Variants in FAM200B observed in about 807,000 individuals in gnomAD.
FAM200B encodes the protein zinc finger BED-type containing 11.
In FAM200B, 32 loss-of-function variants were observed where a neutral mutation model predicts 33.1. The ratio of observed to expected loss-of-function variants is 0.97; its 90% CI spans 0.73 to 1.30. The LOEUF (loss-of-function observed/expected upper bound fraction) is 1.30, where lower values mean the gene tolerates loss of function less well. Ranked by LOEUF, FAM200B falls within the 50% of genes most tolerant of loss-of-function variation. FAM200B has a pLI of 0.00. For synonymous variants in FAM200B, 240 were observed against 264.8 expected, an observed-to-expected ratio of 0.91 and a Z score of 0.91; for missense variants, 741 against 754.0, an observed-to-expected ratio of 0.98 and a Z score of 0.20.
chr4:15,657,940 C>T, the FAM200B span, among the ~76,000 whole-genome samples: 1 of 152,212 alleles, frequency 6.6e-6, no homozygotes, highest in Non-Finnish European at 1.5e-5. Flanking sequence ...TTGACCACCA[C>T]AAGAAGTCTG....
At chr4:15,657,328 T>C in the FAM200B span, among the ~76,000 whole-genome samples, 3 of 152,234 alleles carry the variant, frequency 2.0e-5, no homozygotes, top group African/African-American at 7.2e-5. Context: ...AAGTGAGTAT[T>C]CAGTAAATAT....
the FAM200B span, among the ~76,000 whole-genome samples, chr4:15,665,189 C>G: frequency 6.6e-6 from 1 of 152,100 alleles, no homozygotes; most frequent in South Asian, 2.1e-4. Context: ...GGAAAGAATG[C>G]CTTTCTTATT....
At position 15,687,744 on chromosome 4, in the gene FAM200B, A is replaced by AT. The variant is rs1251004707; in HGVS notation, c.773dup (p.Leu258PhefsTer28). 1.3e-6 allele frequency: 2 copies of AT among 1,550,166 alleles called. No individual in the cohort carries two copies. Among genetic ancestry groups the AT allele is most frequent in the South Asian group, 1.2e-5 (1 of 83,906 alleles). ...GCGTGGCAAGATGATTTTTTGGAGG[A>AT]TTTTTTGTGTTTTTTAAATTTAACC... is the stretch of plus-strand genomic sequence containing the variant. On this transcript the variant is annotated frameshift_variant, in exon 2 of 2. Transcript: ENST00000422728. LOFTEE classifies it high-confidence loss of function.
chr4:15,680,267 G>C (rs1718173359), upstream of FAM200B, among the ~76,000 whole-genome samples: 1 of 152,188 alleles, frequency 6.6e-6, no homozygotes, highest in Admixed American at 6.5e-5. Flanking sequence ...AGACTATTAG[G>C]AATGGTACTG....
rs201952994 is a variant in FAM200B, at chr4:15,687,446, G to T, written c.469G>T (p.Val157Leu). Residue 157 changes from valine (V) to leucine (L), a missense_variant, in exon 2 of 2, where the codon GTG becomes TTG. Coordinates refer to ENST00000422728, the MANE Select transcript of FAM200B (RefSeq NM_001145191.2). ...LLSSYLVAYRVAKEKIANTAA... is the reference protein window; with the variant it reads ...LLSSYLVAYRLAKEKIANTAA... Reference sequence around the variant, plus strand: ...ATCATCATATTTAGTTGCATATCGTGTGGCAAAAGAGAAAATAGCTAACAC... The same window carrying T: ...ATCATCATATTTAGTTGCATATCGTTTGGCAAAAGAGAAAATAGCTAACAC... 9.2e-4 allele frequency: 1,426 copies of T among 1,550,974 alleles called. 2 individuals carry two copies. Among genetic ancestry groups the T allele is most frequent in the Non-Finnish European group, 1.2e-3 (1,342 of 1,146,672 alleles).
At chr4:15,676,123 G>A in the FAM200B span, among the ~76,000 whole-genome samples, 12 of 152,252 alleles carry the variant, frequency 7.9e-5, 1 homozygote, top group East Asian at 2.3e-3. Context: ...TGACTACAGA[G>A]CAACCCAGCT....
At chr4:15,666,216 T>G in the FAM200B span, among the ~76,000 whole-genome samples, 3 of 151,866 alleles carry the variant, frequency 2.0e-5, no homozygotes, top group Non-Finnish European at 4.4e-5. Context: ...CTAGGCAACA[T>G]AAGTAGACTC....
the FAM200B span, chr4:15,640,667 T>C: frequency 6.4e-6 from 3 of 467,276 alleles, no homozygotes; most frequent in Admixed American, 4.0e-5. Context: ...CAAAAAGAAC[T>C]GCGTTCTTCT....
the FAM200B span, among the ~76,000 whole-genome samples, chr4:15,645,506 C>T: frequency 6.6e-6 from 1 of 152,128 alleles, no homozygotes; most frequent in Non-Finnish European, 1.5e-5. Context: ...CAGCTCACTG[C>T]AGACTCTGCC....
At chr4:15,672,399 T>G in the FAM200B span, among the ~76,000 whole-genome samples, 1 of 152,238 alleles carries the variant, frequency 6.6e-6, no homozygotes, top group African/African-American at 2.4e-5. Context: ...GTGACCATCA[T>G]AGAGTACTTA....
chr4:15,688,609 A>C lies in FAM200B; in HGVS notation c.1632A>C (p.Arg544=), dbSNP rs1351858410. Residue 544 remains arginine (R), a synonymous_variant, in exon 2 of 2, where the codon CGA becomes CGC. Transcript: ENST00000422728. ...GGGTAAAAGATCCATTTGCTTTTCGACACCCTGAATCAATAATTGAGCTAA... is the reference window on the plus strand; with the variant it reads ...GGGTAAAAGATCCATTTGCTTTTCGCCACCCTGAATCAATAATTGAGCTAA... ...NSWVKDPFAF[R]HPESIIELNL... 2 of 1,551,248 alleles carry C rather than the reference A, an allele frequency of 1.3e-6. No individual in the cohort carries two copies. The highest frequency in any genetic ancestry group is 1.7e-6 in the Non-Finnish European group (2 of 1,146,756).
upstream of FAM200B, among the ~76,000 whole-genome samples, chr4:15,679,949 G>T (rs760035793): frequency 1.1e-4 from 16 of 152,194 alleles, no homozygotes; most frequent in African/African-American, 2.9e-4. Context: ...TGTATTCACT[G>T]AAGAGTTGTT....
upstream of FAM200B, among the ~76,000 whole-genome samples, chr4:15,678,904 C>T (rs2148833143): frequency 6.6e-6 from 1 of 152,154 alleles, no homozygotes; most frequent in Admixed American, 6.5e-5. Context: ...ATCATCATAG[C>T]TTAATTGATA....
the FAM200B span, among the ~76,000 whole-genome samples, chr4:15,663,865 T>C: frequency 2.0e-5 from 3 of 152,208 alleles, no homozygotes; most frequent in Admixed American, 2.0e-4. Flanking sequence ...TCATCACTGT[T>C]CATTGACTTA....
rs766975698 is a variant in FAM200B at position 15,688,208 on chromosome 4, G to A, written c.1231G>A (p.Glu411Lys). The A allele has an allele frequency of 6.5e-7, 1 of 1,549,282 alleles. No homozygotes were observed. The highest frequency in any genetic ancestry group is 8.7e-7 in the Non-Finnish European group (1 of 1,146,100). The change falls in exon 2 of 2, where the codon GAA becomes AAA. Residue 411 changes from glutamate (E) to lysine (K), a missense_variant. By Grantham distance (56) the Glu-to-Lys change is moderately conservative. Coordinates refer to ENST00000422728, the MANE Select transcript of FAM200B (RefSeq NM_001145191.2). ...LRNEIHFFLIEKKSHLASIFE... is the reference protein window; with the variant it reads ...LRNEIHFFLIKKKSHLASIFE... ...GAATGAGATTCACTTTTTTCTCATT[G>A]AAAAAAAATCTCATTTGGCAAGTAT...
chr4:15,678,469 C>A (rs557207937), upstream of FAM200B, among the ~76,000 whole-genome samples: 1 of 152,144 alleles, frequency 6.6e-6, no homozygotes, highest in South Asian at 2.1e-4. Flanking sequence ...TTTAATAACT[C>A]AAAGGGGTTA....
At chr4:15,646,422 T>C in the FAM200B span, among the ~76,000 whole-genome samples, 1 of 150,982 alleles carries the variant, frequency 6.6e-6, no homozygotes, top group African/African-American at 2.4e-5. Context: ...AATCTATTGG[T>C]GGCTAATCTC....
chr4:15,657,130 ATTTT>A, the FAM200B span, among the ~76,000 whole-genome samples: 1 of 152,052 alleles, frequency 6.6e-6, no homozygotes, highest in Admixed American at 6.6e-5. Context: ...TTGCCTCTAT[ATTTT>A]TTAATAACCT....
At chr4:15,641,814 G>T in the FAM200B span, among the ~76,000 whole-genome samples, 1 of 152,068 alleles carries the variant, frequency 6.6e-6, no homozygotes, top group East Asian at 1.9e-4. Flanking sequence ...ATCACCTGAG[G>T]TCAGGAGTTC....
Sources: gnomAD v4.1 joint callset for allele counts (sites outside exome capture counted in the v4.1 genomes callset) on GRCh38, gnomAD v4.1.1 for gene constraint, MANE v1.5 for transcripts, NCBI Gene and HGNC (gene_info 2026-07-23, HGNC 2026-07-21) for gene names.